Variants in NCKAP5 observed in about 807,000 individuals in gnomAD.
NCKAP5 encodes NCK associated protein 5, also known as nck-associated protein 5.
In NCKAP5, 92 loss-of-function variants were observed where a neutral mutation model predicts 167.0. That is an observed-to-expected ratio of 0.55 (90% confidence interval 0.47 to 0.66). NCKAP5 has a LOEUF of 0.66. Among genes scored for constraint, NCKAP5 ranks in the 30% least tolerant of loss-of-function variants. NCKAP5 has a pLI of 0.00. For missense variants in NCKAP5, 2,378 were observed against 2,315.0 expected (o/e 1.03, Z -0.56); for synonymous variants, 891 against 877.4 (o/e 1.02, Z -0.27).
At chr2:132,767,015 C>A (rs546863481) in intron 16 of NCKAP5, among the ~76,000 whole-genome samples, 72 of 152,312 alleles carry the variant, frequency 4.7e-4, no homozygotes, top group African/African-American at 1.7e-3. Flanking sequence ...ATGCTCCAAA[C>A]CTCCTCTGTT....
chr2:133,031,144 G>A (rs2078866258), intron 6 of NCKAP5, among the ~76,000 whole-genome samples: 1 of 152,022 alleles, frequency 6.6e-6, no homozygotes, highest in Admixed American at 6.6e-5. Context: ...CCAAAAATCA[G>A]GGGAGTATTC....
chr2:132,845,549 T>A (rs1385184076), intron 11 of NCKAP5, among the ~76,000 whole-genome samples: 1 of 152,172 alleles, frequency 6.6e-6, no homozygotes, highest in Non-Finnish European at 1.5e-5. Flanking sequence ...TATGTCATCA[T>A]TCCTTACTGC....
intron 8 of NCKAP5, among the ~76,000 whole-genome samples, chr2:132,884,453 T>C (rs778365971): frequency 6.6e-6 from 1 of 152,184 alleles, no homozygotes; most frequent in Non-Finnish European, 1.5e-5. Flanking sequence ...CGGTTCCAGT[T>C]CCATTCTGTT....
chr2:133,622,873 G>A, the NCKAP5 span, among the ~76,000 whole-genome samples: 130 of 152,160 alleles, frequency 8.5e-4, no homozygotes, highest in African/African-American at 3.0e-3. Flanking sequence ...GGACAAATAC[G>A]GAGTCATCAC....
chr2:133,304,660 C>A (rs1680645993), intron 3 of NCKAP5, among the ~76,000 whole-genome samples: 2 of 152,136 alleles, frequency 1.3e-5, no homozygotes. Flanking sequence ...ACGTTGTTCC[C>A]AAGTAGAAAT....
In NCKAP5 at chr2:132,907,243, C is replaced by A. The variant is rs189418298; in HGVS notation, c.580-28327G>T. Among the ~76,000 whole-genome samples, 128 of 152,282 alleles carry A rather than the reference C, an allele frequency of 8.4e-4. 1 individual carries two copies. The highest frequency in any genetic ancestry group is 3.9e-4 in the East Asian group (2 of 5,176). ...CAACTCATAACAATGATCACCTAAC[C>A]AAGGTTAGCCATTTTTGAGGTTGAA... On this transcript the variant is annotated intron_variant, in intron 8 of 19. Transcript: ENST00000409261.
At chr2:133,229,335 A>G (rs1047388069) in intron 4 of NCKAP5, among the ~76,000 whole-genome samples, 6 of 152,318 alleles carry the variant, frequency 3.9e-5, no homozygotes, top group Non-Finnish European at 8.8e-5. Flanking sequence ...CATTTCTTGT[A>G]TCTTAACACA....
intron 8 of NCKAP5, among the ~76,000 whole-genome samples, chr2:132,903,334 G>A (rs1211114686): frequency 6.6e-6 from 1 of 152,254 alleles, no homozygotes; most frequent in Non-Finnish European, 1.5e-5. Context: ...GGACAGCACA[G>A]ATAGAGAACA....
chr2:133,461,317 T>C (rs1317788458), intron 3 of NCKAP5, among the ~76,000 whole-genome samples: 3 of 152,234 alleles, frequency 2.0e-5, no homozygotes, highest in Admixed American at 6.5e-5. Context: ...AAGTTCTATT[T>C]GATTCTTTTT....
intron 2 of NCKAP5, among the ~76,000 whole-genome samples, chr2:133,545,329 A>G (rs1686563885): frequency 6.6e-6 from 1 of 152,152 alleles, no homozygotes; most frequent in Non-Finnish European, 1.5e-5. Flanking sequence ...GACCAAATTC[A>G]CAAGGTGCAC....
At chr2:132,889,246 T>A (rs1002562912) in intron 8 of NCKAP5, among the ~76,000 whole-genome samples, 3 of 152,214 alleles carry the variant, frequency 2.0e-5, no homozygotes, top group African/African-American at 7.2e-5. Flanking sequence ...CCTCCCCAAA[T>A]TTCTGACCCA....
chr2:133,233,973 T>C (rs962796789), intron 4 of NCKAP5, among the ~76,000 whole-genome samples: 5 of 152,184 alleles, frequency 3.3e-5, no homozygotes, highest in Admixed American at 1.3e-4. Flanking sequence ...ACTCAAATCA[T>C]TGAAGAACCC....
chr2:132,983,439 G>A (rs2077198188), intron 7 of NCKAP5, among the ~76,000 whole-genome samples: 1 of 152,130 alleles, frequency 6.6e-6, no homozygotes, highest in African/African-American at 2.4e-5. Context: ...TGTTGGCTAT[G>A]GGTCTGTCAT....
intron 8 of NCKAP5, among the ~76,000 whole-genome samples, chr2:132,940,211 G>C (rs1164863500): frequency 6.6e-6 from 1 of 152,132 alleles, no homozygotes; most frequent in Admixed American, 6.5e-5. Flanking sequence ...TGCAGCAAAA[G>C]ACATTATTTT....
At chr2:133,165,908 T>C (rs1202061161) in intron 5 of NCKAP5, among the ~76,000 whole-genome samples, 1 of 152,220 alleles carries the variant, frequency 6.6e-6, no homozygotes, top group Non-Finnish European at 1.5e-5. Context: ...TATTATTTTT[T>C]GGTGAATTCC....
At chr2:133,210,670 G>A (rs1462628564) in intron 5 of NCKAP5, among the ~76,000 whole-genome samples, 1 of 152,082 alleles carries the variant, frequency 6.6e-6, no homozygotes, top group East Asian at 1.9e-4. Flanking sequence ...TGAATTCTAG[G>A]AGCAGAAAAG....
intron 3 of NCKAP5, among the ~76,000 whole-genome samples, chr2:133,441,083 G>C (rs2320849): frequency 0.5 from 66,067 of 131,594 alleles, 15,433 homozygotes; most frequent in African/African-American, 0.66. Context: ...ACACCCTACA[G>C]ACACACACAC....
intron 3 of NCKAP5, among the ~76,000 whole-genome samples, chr2:133,480,801 A>C (rs1206811509): frequency 4.6e-5 from 7 of 152,182 alleles, no homozygotes; most frequent in Admixed American, 4.6e-4. Context: ...CTTTTGAATT[A>C]TGCCCTGCCT....
At chr2:133,504,352 T>A (rs115271913) in intron 3 of NCKAP5, among the ~76,000 whole-genome samples, 102 of 22,874 alleles carry the variant, frequency 4.5e-3, no homozygotes, top group African/African-American at 0.016. Context: ...CTGATTCCAT[T>A]TATGTCCAGC....
Sources: gnomAD v4.1 joint callset for allele counts (sites outside exome capture counted in the v4.1 genomes callset) on GRCh38, gnomAD v4.1.1 for gene constraint, MANE v1.5 for transcripts, NCBI Gene and HGNC (gene_info 2026-07-23, HGNC 2026-07-21) for gene names.